Variants in ERN2 observed in about 807,000 individuals in gnomAD.
ERN2 encodes serine/threonine-protein kinase/endoribonuclease IRE2.
In ERN2, 111 loss-of-function variants were observed where a neutral mutation model predicts 107.9. The observed-to-expected ratio is 1.03, with a 90% CI of 0.88 to 1.20. The LOEUF is 1.20. ERN2 is among the 50% of genes most tolerant of loss of function. ERN2 has a pLI of 0.00. For synonymous variants in ERN2, 524 were observed against 501.7 expected, an observed-to-expected ratio of 1.04 and a Z score of -0.59; for missense variants, 1,225 against 1,197.9, an observed-to-expected ratio of 1.02 and a Z score of -0.33.
chr16:23,708,179 G>A (rs1960399516), intron 4 of ERN2, among the ~76,000 whole-genome samples: 1 of 151,974 alleles, frequency 6.6e-6, no homozygotes, highest in Non-Finnish European at 1.5e-5. Flanking sequence ...CCAGAATTAG[G>A]GCTGATAATG....
chr16:23,703,146 T>G (rs1362120461), intron 8 of ERN2, among the ~76,000 whole-genome samples: 2 of 152,320 alleles, frequency 1.3e-5, no homozygotes, highest in African/African-American at 4.8e-5. Flanking sequence ...TTCTCTGTTT[T>G]GGGGCAATTT....
rs922492207 is a variant in ERN2, at chr16:23,690,527, T to C, written c.*304A>G. 2.1e-6 allele frequency: 1 copy of C among 478,678 alleles called. No individual in the cohort carries two copies. Among genetic ancestry groups the C allele is most frequent in the Non-Finnish European group, 3.8e-6 (1 of 260,610 alleles). 29.7% of individuals were successfully genotyped at this position (478,678 alleles called of 1,614,324 possible). ...TGGAGTGCAGTGGCATGATCCTGGC[T>C]CACTGCAGCCTCGAACTCCTGGGCT... On this transcript the variant is annotated 3_prime_UTR_variant, in exon 22 of 22. Transcript: ENST00000256797.
chr16:23,695,804 G>A (rs894621840), intron 14 of ERN2, 90 bp downstream of exon 14: 1 of 892,324 alleles, frequency 1.1e-6, no homozygotes, highest in Non-Finnish European at 1.8e-6. Flanking sequence ...CCCACCTCGG[G>A]GAGTCTTTGA....
intron 5 of ERN2, 56 bp from the exon 6 acceptor site, chr16:23,706,917 C>T (rs1468123800): frequency 3.2e-6 from 5 of 1,569,138 alleles, no homozygotes; most frequent in Non-Finnish European, 4.4e-6. Context: ...AGGTGTGGCC[C>T]CGCCACTCTT....
Position 23,710,239 on chromosome 16 carries a change from G to T in ERN2, c.239C>A (p.Ala80Asp). The T allele has an allele frequency of 6.2e-7, 1 of 1,613,632 alleles. No individual in the cohort carries two copies. Among genetic ancestry groups the T allele is most frequent in the Non-Finnish European group, 8.5e-7 (1 of 1,179,548 alleles). ...IEGPMYVTEM[A>D]FLSDPADGSL... ...GCCATCTGCTGGGTCAGAGAGAAAG[G>T]CCATTCTGTGGAGCAGAGAGAAACA... The change falls in exon 4 of 22, where the codon GCC (alanine) becomes GAC (aspartate). Residue 80 changes from alanine to aspartate, a missense_variant. Physicochemically the swap from Ala to Asp is moderately radical, Grantham distance 126. Coordinates refer to ENST00000256797, the MANE Select transcript of ERN2 (RefSeq NM_033266.4).
At chr16:23,710,033 C>T (rs1277646460) in intron 4 of ERN2, 139 bp downstream of exon 4, 23 of 641,976 alleles carry the variant, frequency 3.6e-5, no homozygotes, top group South Asian at 3.4e-4. Flanking sequence ...CTCAGACAGC[C>T]TTCTCACAAT....
intron 13 of ERN2, chr16:23,697,040 G>A (rs999907685): frequency 6.6e-6 from 1 of 151,946 alleles, no homozygotes; most frequent in Non-Finnish European, 1.5e-5. Context: ...GCATGGTGTT[G>A]TGTGCCTGTC....
intron 11 of ERN2, 83 bp downstream of exon 11, chr16:23,702,069 C>A (rs1457200203): frequency 1.4e-6 from 2 of 1,428,884 alleles, no homozygotes; most frequent in African/African-American, 1.4e-5. Context: ...TTATTCTTAG[C>A]AGCCCGAGGA....
intron 4 of ERN2, chr16:23,709,348 C>T: frequency 3.1e-6 from 1 of 319,854 alleles, no homozygotes; most frequent in Non-Finnish European, 6.2e-6. Context: ...GCACATTCCA[C>T]CCCATTCAGA....
In ERN2 at chr16:23,706,754, G is replaced by C; in HGVS notation, c.487C>G (p.Gln163Glu). 1 of 1,599,366 alleles carries C rather than the reference G, an allele frequency of 6.3e-7. No homozygotes were observed. The highest frequency in any genetic ancestry group is 8.5e-7 in the Non-Finnish European group (1 of 1,170,346). ...STPRLYIGRT[Q>E]YTVTMHDPRA... ...GAGGAACAGCTGGGGCCCAACTCAC[G>C]TGTTCGGCCAATGTAGAGGCGGGGG... Residue 163 changes from glutamine to glutamate, a missense_variant and splice_region_variant, in exon 6 of 22, where the codon CAG (glutamine) becomes GAG (glutamate). By Grantham distance (29) the Gln-to-Glu change is conservative. Coordinates refer to ENST00000256797, the MANE Select transcript of ERN2 (RefSeq NM_033266.4).
chr16:23,698,037 C>A (rs78379165), intron 13 of ERN2, among the ~76,000 whole-genome samples: 24 of 152,166 alleles, frequency 1.6e-4, no homozygotes, highest in Non-Finnish European at 2.9e-4. Flanking sequence ...AATCAAAAAT[C>A]TCGTGTCAGG....
In ERN2 at chr16:23,704,788, G is replaced by A. The variant is rs574157755; in HGVS notation, c.854+95C>T. ...TTTTGACCCCTGGTTCAGCGGTACTGGTGTGTCACAGCTGAACATCTCGCC... is the reference window on the plus strand; with the variant it reads ...TTTTGACCCCTGGTTCAGCGGTACTAGTGTGTCACAGCTGAACATCTCGCC... On this transcript the variant is annotated intron_variant, in intron 8 of 21. Coordinates refer to ENST00000256797, the MANE Select transcript of ERN2 (RefSeq NM_033266.4). 76 of 1,325,474 alleles carry A rather than the reference G, an allele frequency of 5.7e-5. No homozygotes were observed. The African/African-American group carries it at 1.0e-3, about 18-fold the overall frequency. 82.1% of individuals were successfully genotyped at this position (1,325,474 alleles called of 1,614,324 possible). A position where few individuals can be genotyped will look rare whatever the true frequency, so the allele number is the denominator to read the frequency against.
rs1960002197 is a variant in ERN2 at position 23,700,498 on chromosome 16, T to A, written c.1525+41A>T. 5 of 1,556,038 alleles carry A rather than the reference T, an allele frequency of 3.2e-6. No homozygotes were observed. The South Asian group carries it at 6.1e-5, about 19-fold the overall frequency. Reference sequence around the variant, plus strand: ...TGCAGCTAAATCTGCCCCTGGCTTTTCTCTGTTCCTGACTGCCCTGTCTTG... The same window carrying A: ...TGCAGCTAAATCTGCCCCTGGCTTTACTCTGTTCCTGACTGCCCTGTCTTG... On this transcript the variant is annotated intron_variant, in intron 13 of 21. Coordinates refer to ENST00000256797, the MANE Select transcript of ERN2 (RefSeq NM_033266.4).
intron 6 of ERN2, 140 bp downstream of exon 6, chr16:23,706,614 A>C (rs1960325068): frequency 5.4e-6 from 4 of 746,424 alleles, no homozygotes; most frequent in South Asian, 5.2e-5. Flanking sequence ...CCTGGCTCCT[A>C]GTTCAGTGCT....
At chr16:23,695,816 A>G (rs994445571) in intron 14 of ERN2, 78 bp downstream of exon 14, 24 of 1,104,982 alleles carry the variant, frequency 2.2e-5, no homozygotes, top group Non-Finnish European at 1.1e-5. Flanking sequence ...AGTCTTTGAA[A>G]GAATGTCTCT....
chr16:23,691,634 G>A (rs1959601885), intron 19 of ERN2, among the ~76,000 whole-genome samples: 1 of 152,268 alleles, frequency 6.6e-6, no homozygotes, highest in Non-Finnish European at 1.5e-5. Flanking sequence ...GCAAACTGCA[G>A]TTCAGAGGCA....
Position 23,690,800 on chromosome 16 carries a change from C to A in ERN2, c.*31G>T. On this transcript the variant is annotated 3_prime_UTR_variant, in exon 22 of 22. Coordinates refer to ENST00000256797, the MANE Select transcript of ERN2 (RefSeq NM_033266.4). ...GGCTCAGCTCTTCAGTGAGCCAGCA[C>A]GGAGACCATCTGTGTGGCATCCAGC... is the stretch of plus-strand genomic sequence containing the variant. The A allele has an allele frequency of 6.4e-7, 1 of 1,571,764 alleles. No homozygotes were observed. Among genetic ancestry groups the A allele is most frequent in the Non-Finnish European group, 8.7e-7 (1 of 1,153,400 alleles).
At chr16:23,709,315 T>TA (rs1253248815) in intron 4 of ERN2, 27 of 339,448 alleles carry the variant, frequency 8.0e-5, no homozygotes, top group Middle Eastern at 3.8e-4. Flanking sequence ...TTGTTTAAAT[T>TA]AAAAAAAAGG....
intron 13 of ERN2, among the ~76,000 whole-genome samples, chr16:23,699,403 A>G (rs929585861): frequency 1.3e-5 from 2 of 152,126 alleles, no homozygotes; most frequent in African/African-American, 2.4e-5. Flanking sequence ...CCCAGAGCCA[A>G]TCAAGCAGAA....
Sources: allele counts gnomAD v4.1 joint callset (sites outside exome capture counted in the v4.1 genomes callset), GRCh38; gene constraint gnomAD v4.1.1; transcripts MANE v1.5; gene names NCBI Gene and HGNC (gene_info 2026-07-23, HGNC 2026-07-21).